The following MAN2A1 variants were observed in gnomAD, a reference collection of about 807,000 sequenced individuals.
MAN2A1 encodes the protein alpha-mannosidase 2.
A neutral mutation model predicts 142.6 loss-of-function variants in MAN2A1; 76 were observed. That is an observed-to-expected ratio of 0.53 (90% CI 0.44 to 0.65). The LOEUF is 0.65. MAN2A1 is among the 30% of genes least tolerant of loss of function. The pLI is 0.00. For synonymous variants in MAN2A1, 559 were observed against 473.2 expected (o/e 1.18, Z -2.35); for missense variants, 1,311 against 1,365.1 (o/e 0.96, Z 0.62).
intron 4 of MAN2A1, among the ~76,000 whole-genome samples, chr5:109,754,773 G>A (rs1180531455): frequency 3.9e-5 from 6 of 152,130 alleles, no homozygotes; most frequent in Admixed American, 1.3e-4. Flanking sequence ...AAGCTGAGGC[G>A]GGCAAATCAC....
At chr5:109,724,244 G>A (rs1460940033) in intron 3 of MAN2A1, among the ~76,000 whole-genome samples, 1 of 152,032 alleles carries the variant, frequency 6.6e-6, no homozygotes, top group Admixed American at 6.6e-5. Flanking sequence ...ATTACTAGAT[G>A]AGAACAATAA....
intron 20 of MAN2A1, among the ~76,000 whole-genome samples, chr5:109,856,543 G>C (rs533534360): frequency 6.6e-6 from 1 of 152,196 alleles, no homozygotes; most frequent in Admixed American, 6.5e-5. Flanking sequence ...ACTAGAAAAG[G>C]CAGAGAGGAA....
At chr5:109,800,172 T>TA (rs1310554545) in intron 12 of MAN2A1, among the ~76,000 whole-genome samples, 29 of 151,342 alleles carry the variant, frequency 1.9e-4, no homozygotes, top group African/African-American at 6.5e-4. Flanking sequence ...CATGCACACA[T>TA]ACACCATTTG....
At chr5:109,702,060 A>G (rs995897743) in intron 1 of MAN2A1, among the ~76,000 whole-genome samples, 19 of 152,214 alleles carry the variant, frequency 1.2e-4, no homozygotes, top group Admixed American at 6.5e-4. Context: ...AGGGCCAAGT[A>G]CATTTCTGAT....
chr5:109,779,497 A>T (rs1469373332), intron 8 of MAN2A1, among the ~76,000 whole-genome samples: 1 of 152,090 alleles, frequency 6.6e-6, no homozygotes, highest in Non-Finnish European at 1.5e-5. Context: ...TCTGCTGGAT[A>T]TGAAGTTAAT....
chr5:109,810,992 T>G (rs77144895), intron 12 of MAN2A1, among the ~76,000 whole-genome samples: 2 of 12,540 alleles, frequency 1.6e-4, no homozygotes, highest in African/African-American at 1.5e-3. Context: ...AGTTTTACTA[T>G]TTTTTTTTTT....
At chr5:109,823,221 G>T (rs1480146623) in intron 15 of MAN2A1, among the ~76,000 whole-genome samples, 1 of 152,090 alleles carries the variant, frequency 6.6e-6, no homozygotes, top group Non-Finnish European at 1.5e-5. Context: ...TCAAGTAAAA[G>T]GACAGAATGT....
intron 15 of MAN2A1, among the ~76,000 whole-genome samples, chr5:109,821,675 A>T (rs922622785): frequency 6.6e-5 from 10 of 152,086 alleles, no homozygotes; most frequent in Non-Finnish European, 1.0e-4. Context: ...AGTAAGGTTG[A>T]ACGTTTTTGT....
intron 12 of MAN2A1, among the ~76,000 whole-genome samples, chr5:109,809,764 T>TC (rs1323717174): frequency 6.6e-6 from 1 of 152,132 alleles, no homozygotes; most frequent in Non-Finnish European, 1.5e-5. Flanking sequence ...TGTGGGTTAG[T>TC]CCCTTTCCTT....
chr5:109,839,914 A>T (rs923393801), intron 16 of MAN2A1, among the ~76,000 whole-genome samples: 18 of 151,480 alleles, frequency 1.2e-4, no homozygotes, highest in African/African-American at 4.1e-4. Flanking sequence ...TATGGTGCCT[A>T]CACTAACAGC....
intron 16 of MAN2A1, among the ~76,000 whole-genome samples, chr5:109,832,505 T>G (rs1042117063): frequency 6.6e-6 from 1 of 152,088 alleles, no homozygotes; most frequent in Non-Finnish European, 1.5e-5. Flanking sequence ...GGCCATAGAT[T>G]AACAGCATCC....
At chr5:109,862,470 T>C (rs182675499) in intron 20 of MAN2A1, 110 of 152,342 alleles carry the variant, frequency 7.2e-4, no homozygotes, top group African/African-American at 2.5e-3. Context: ...TTTACAAAGA[T>C]AGTTACCTAC....
intron 8 of MAN2A1, among the ~76,000 whole-genome samples, chr5:109,776,831 G>A (rs551851985): frequency 1.3e-5 from 2 of 152,152 alleles, no homozygotes; most frequent in African/African-American, 2.4e-5. Flanking sequence ...AATTTTATAC[G>A]ATGGGGACCA....
At chr5:109,853,115 A>G (rs1755525243) in intron 19 of MAN2A1, among the ~76,000 whole-genome samples, 2 of 152,214 alleles carry the variant, frequency 1.3e-5, no homozygotes, top group African/African-American at 4.8e-5. Flanking sequence ...GAAGACTCCC[A>G]TCAAAATGTC....
intron 16 of MAN2A1, among the ~76,000 whole-genome samples, chr5:109,833,294 G>A (rs1003488396): frequency 5.3e-5 from 8 of 152,086 alleles, no homozygotes; most frequent in African/African-American, 1.7e-4. Flanking sequence ...CTGCAATCTC[G>A]GCACTTTGGG....
rs1157821499 is a variant in MAN2A1, at chr5:109,713,721, A to G, written c.337A>G (p.Thr113Ala). The part of the protein sequence containing the change: ...LPSQLSLSVD[T>A]ADCLFASQSG... ...CTCACAATTATCCCTCTCAGTTGAC[A>G]CTGCAGACTGTCTGTTTGCTTCACA... is the stretch of plus-strand genomic sequence containing the variant. The change falls in exon 2 of 22, where the codon ACT (threonine) becomes GCT (alanine). Residue 113 changes from threonine (T) to alanine (A), a missense_variant. Thr to Ala is a moderately conservative substitution (Grantham distance 58). Coordinates refer to ENST00000261483, the MANE Select transcript of MAN2A1 (RefSeq NM_002372.4). 1 of 1,613,928 alleles carries G rather than the reference A, an allele frequency of 6.2e-7. No individual in the cohort carries two copies. Among genetic ancestry groups the G allele is most frequent in the South Asian group, 1.1e-5 (1 of 91,060 alleles).
At chr5:109,761,125 T>C (rs992970216) in intron 5 of MAN2A1, among the ~76,000 whole-genome samples, 2 of 150,528 alleles carry the variant, frequency 1.3e-5, no homozygotes, top group African/African-American at 4.8e-5. Flanking sequence ...ATCCTATCTT[T>C]TTATTATAAA....
In MAN2A1 at chr5:109,770,539, C is replaced by T. The variant is rs768998719; in HGVS notation, c.1194C>T (p.Ser398=). 6.2e-7 allele frequency: 1 copy of T among 1,612,638 alleles called. No homozygotes were observed. The highest frequency in any genetic ancestry group is 8.5e-7 in the Non-Finnish European group (1 of 1,179,244). ...PETIHPGNVQ[S]RARMLLDQYR... ...CAATACATCCTGGAAATGTCCAAAG[C>T]AGGTATGAAAATGCGTATTTCATAA... The change falls in exon 7 of 22, where the codon AGC becomes AGT. Residue 398 remains serine (S), a splice_region_variant and synonymous_variant. Transcript: ENST00000261483.
intron 9 of MAN2A1, among the ~76,000 whole-genome samples, chr5:109,784,529 T>G (rs1038001724): frequency 3.9e-5 from 6 of 152,190 alleles, no homozygotes; most frequent in African/African-American, 1.4e-4. Flanking sequence ...CTGATACCAG[T>G]GTAGACATGG....
Sources: gnomAD v4.1 joint callset for allele counts (sites outside exome capture counted in the v4.1 genomes callset) on GRCh38, gnomAD v4.1.1 for gene constraint, MANE v1.5 for transcripts, NCBI Gene and HGNC (gene_info 2026-07-23, HGNC 2026-07-21) for gene names.